The following ABI3BP variants were observed in gnomAD, a reference collection of about 807,000 sequenced individuals.
ABI3BP encodes target of Nesh-SH3.
Under a neutral mutation model 268.6 loss-of-function variants are expected in ABI3BP, and 216 were observed. That is an observed-to-expected ratio of 0.80 (90% CI 0.72 to 0.90). ABI3BP has a LOEUF of 0.90. Among genes scored for constraint, ABI3BP ranks in the 40% least tolerant of loss-of-function variants. ABI3BP has a pLI of 0.00. For missense variants in ABI3BP, 2,090 were observed against 2,182.4 expected (o/e 0.96, Z 0.84); for synonymous variants, 730 against 730.0 (o/e 1.00, Z 0.00).
chr3:100,960,143 G>C (rs986557449), intron 1 of ABI3BP, among the ~76,000 whole-genome samples: 2 of 152,074 alleles, frequency 1.3e-5, no homozygotes, highest in African/African-American at 4.8e-5. Flanking sequence ...TGTATAATCA[G>C]ACAATAATTT....
chr3:100,837,215 A>C, intron 26 of ABI3BP, 44 bp from the exon 27 acceptor site: 1 of 1,488,314 alleles, frequency 6.7e-7, no homozygotes. Flanking sequence ...AAAAGCAAGG[A>C]AGTCTAAACT....
intron 2 of ABI3BP, among the ~76,000 whole-genome samples, chr3:100,908,326 A>C (rs2054531112): frequency 6.6e-6 from 1 of 152,200 alleles, no homozygotes; most frequent in African/African-American, 2.4e-5. Context: ...ACTGGGTAAA[A>C]AAACAACGGG....
intron 43 of ABI3BP, 197 bp downstream of exon 43, chr3:100,816,491 C>A: frequency 1.5e-6 from 1 of 654,762 alleles, no homozygotes; most frequent in Non-Finnish European, 2.7e-6. Context: ...GGAGATCAGG[C>A]ACACAAGTGG....
intron 1 of ABI3BP, among the ~76,000 whole-genome samples, chr3:100,979,226 A>G (rs1056668533): frequency 6.6e-6 from 1 of 152,200 alleles, no homozygotes; most frequent in African/African-American, 2.4e-5. Flanking sequence ...GAGAGTCATT[A>G]TCTCTAGGTT....
chr3:100,778,692 T>C (rs2096782622), intron 58 of ABI3BP: 1 of 266,206 alleles, frequency 3.8e-6, no homozygotes. Flanking sequence ...TGGAAAATTT[T>C]TTTAAAAACC....
chr3:100,870,544 T>C lies in ABI3BP; in HGVS notation c.911-3588A>G, dbSNP rs546033601. ...GGATATTAAGCAAAACGATAAAAAA[T>C]AGGTGTTGGCAAGGGTGTGGAGAAA... On this transcript the variant is annotated intron_variant, in intron 9 of 67. Transcript: ENST00000471714. 8.3e-4 allele frequency among the ~76,000 whole-genome samples: 126 copies of C among 152,214 alleles called. 1 individual carries two copies. The highest frequency in any genetic ancestry group is 1.7e-3 in the Non-Finnish European group (114 of 67,998).
intron 9 of ABI3BP, among the ~76,000 whole-genome samples, chr3:100,870,016 A>T (rs2099094763): frequency 6.6e-6 from 1 of 152,114 alleles, no homozygotes; most frequent in Non-Finnish European, 1.5e-5. Context: ...ACAAGCTATT[A>T]TACTTCTTGA....
chr3:100,911,461 T>C (rs960727214), intron 2 of ABI3BP: 1 of 385,232 alleles, frequency 2.6e-6, no homozygotes, highest in Non-Finnish European at 4.8e-6. Flanking sequence ...TTATATCCTT[T>C]ACTAGTTTAT....
chr3:100,749,530 G>GTTAGT lies in ABI3BP; in HGVS notation c.*960_*964dup, dbSNP rs1319739510. 5.1e-6 allele frequency: 2 copies of GTTAGT among 395,190 alleles called. No individual in the cohort carries two copies. Among genetic ancestry groups the GTTAGT allele is most frequent in the African/African-American group, 4.1e-5 (2 of 48,258 alleles). The allele number at this position is 395,190 out of a possible 1,614,324, so 24.5% of individuals were successfully genotyped here. A position where few individuals can be genotyped will look rare whatever the true frequency, so the allele number is the denominator to read the frequency against. ...CTTTTTAATAGAAATAAATGAGTTA[G>GTTAGT]TTAGTTAGATTTTTATTACAGATTG... On this transcript the variant is annotated 3_prime_UTR_variant, in exon 68 of 68. Coordinates refer to ENST00000471714, the MANE Select transcript of ABI3BP (RefSeq NM_001375547.2).
chr3:100,841,220 T>TTTTTTTTTTTTGTTTTTTTG lies in ABI3BP; in HGVS notation c.1766-363_1766-362insCAAAAAAACAAAAAAAAAAA, dbSNP rs1560681726. On this transcript the variant is annotated intron_variant, in intron 21 of 67. Coordinates refer to ENST00000471714, the MANE Select transcript of ABI3BP (RefSeq NM_001375547.2). ...TTTTTTTTTTTTTTTTTTTTTTTTT[T>TTTTTTTTTTTTGTTTTTTTG]TTTTTTTGCTCTTTTGAAGAAAAAG... Among the ~76,000 whole-genome samples the TTTTTTTTTTTTGTTTTTTTG allele has an allele frequency of 3.1e-4, 37 of 119,578 alleles. 1 individual carries two copies. Among genetic ancestry groups the TTTTTTTTTTTTGTTTTTTTG allele is most frequent in the African/African-American group, 6.1e-4 (19 of 30,994 alleles). 78.4% of individuals were successfully genotyped at this position (119,578 alleles called of 152,430 possible).
At chr3:100,809,497 A>ATAT (rs1410495836) in intron 49 of ABI3BP, among the ~76,000 whole-genome samples, 3 of 152,114 alleles carry the variant, frequency 2.0e-5, no homozygotes, top group Non-Finnish European at 4.4e-5. Flanking sequence ...CATTCCAATG[A>ATAT]TATTAATTAT....
chr3:100,898,680 T>C (rs1475930875), intron 4 of ABI3BP, 82 bp downstream of exon 4: 6 of 1,470,598 alleles, frequency 4.1e-6, no homozygotes, highest in Non-Finnish European at 5.5e-6. Flanking sequence ...TAAGAGGTGT[T>C]AAGTCAATGC....
chr3:100,905,285 T>C (rs1214807456), intron 2 of ABI3BP, among the ~76,000 whole-genome samples: 1 of 152,112 alleles, frequency 6.6e-6, no homozygotes. Flanking sequence ...GGGGGAAGGA[T>C]AGCATTCGGA....
chr3:100,941,816 T>C (rs2069408143), intron 1 of ABI3BP, among the ~76,000 whole-genome samples: 1 of 152,160 alleles, frequency 6.6e-6, no homozygotes, highest in African/African-American at 2.4e-5. Context: ...ATCAACAGTC[T>C]CTCATTTTCA....
At chr3:100,871,124 T>C (rs1277600670) in intron 9 of ABI3BP, among the ~76,000 whole-genome samples, 1 of 152,086 alleles carries the variant, frequency 6.6e-6, no homozygotes, top group Non-Finnish European at 1.5e-5. Flanking sequence ...ACAAGAACTA[T>C]AATTATAATA....
intron 58 of ABI3BP, among the ~76,000 whole-genome samples, chr3:100,778,921 T>C (rs2096789293): frequency 6.6e-6 from 1 of 152,186 alleles, no homozygotes; most frequent in Non-Finnish European, 1.5e-5. Flanking sequence ...GAGATGACTG[T>C]ACACAGGTAT....
intron 2 of ABI3BP, among the ~76,000 whole-genome samples, chr3:100,919,640 G>A (rs1194644733): frequency 2.0e-5 from 3 of 152,248 alleles, no homozygotes; most frequent in Non-Finnish European, 4.4e-5. Context: ...GTAAGAAACT[G>A]ATGGTTGAAT....
intron 63 of ABI3BP, among the ~76,000 whole-genome samples, chr3:100,764,205 CA>C (rs1434547744): frequency 6.6e-6 from 1 of 152,218 alleles, no homozygotes; most frequent in African/African-American, 2.4e-5. Context: ...AGCCTCAGAC[CA>C]GGTGTCACCT....
chr3:100,752,615 A>G, intron 66 of ABI3BP, 172 bp downstream of exon 66: 1 of 627,424 alleles, frequency 1.6e-6, no homozygotes, highest in East Asian at 2.7e-5. Flanking sequence ...CATGTCTTAA[A>G]TCCTTGCTTT....
Sources: allele counts gnomAD v4.1 joint callset (sites outside exome capture counted in the v4.1 genomes callset), GRCh38; gene constraint gnomAD v4.1.1; transcripts MANE v1.5; gene names NCBI Gene and HGNC (gene_info 2026-07-23, HGNC 2026-07-21).